The following RABGAP1L variants were observed in gnomAD, a reference collection of about 807,000 sequenced individuals.
RABGAP1L encodes the protein rab GTPase-activating protein 1-like.
RABGAP1L carries 63 observed loss-of-function variants against 137.7 expected under a neutral mutation model. The observed-to-expected ratio is 0.46, with a 90% CI of 0.37 to 0.56. The LOEUF (loss-of-function observed/expected upper bound fraction) is 0.56, where lower values mean the gene tolerates loss of function less well. Ranked by LOEUF, RABGAP1L falls within the 20% of genes least tolerant of loss-of-function variation. The pLI is 0.00. For missense variants in RABGAP1L, 1,095 were observed against 1,244.0 expected, an observed-to-expected ratio of 0.88 and a Z score of 1.80; for synonymous variants, 431 against 433.7, an observed-to-expected ratio of 0.99 and a Z score of 0.08.
At chr1:174,929,185 G>A (rs1663312102) in intron 19 of RABGAP1L, among the ~76,000 whole-genome samples, 1 of 152,024 alleles carries the variant, frequency 6.6e-6, no homozygotes, top group African/African-American at 2.4e-5. Context: ...TGAACACTGT[G>A]CACATGTACC....
intron 13 of RABGAP1L, among the ~76,000 whole-genome samples, chr1:174,501,720 T>C (rs1661293292): frequency 1.3e-5 from 2 of 152,218 alleles, no homozygotes; most frequent in Admixed American, 6.5e-5. Context: ...AGATAGTATC[T>C]TTTTATTAAC....
chr1:174,898,223 C>T (rs1657562459), intron 19 of RABGAP1L, among the ~76,000 whole-genome samples: 1 of 152,054 alleles, frequency 6.6e-6, no homozygotes, highest in African/African-American at 2.4e-5. Context: ...GAGGTAAGTA[C>T]AGTTTTTCAG....
intron 14 of RABGAP1L, among the ~76,000 whole-genome samples, chr1:174,641,961 A>G (rs1238883978): frequency 6.6e-6 from 1 of 152,168 alleles, no homozygotes; most frequent in Non-Finnish European, 1.5e-5. Flanking sequence ...GCCTTCTGTT[A>G]CAGTGTTCGG....
At chr1:174,580,427 T>C (rs1668651223) in intron 13 of RABGAP1L, among the ~76,000 whole-genome samples, 1 of 152,200 alleles carries the variant, frequency 6.6e-6, no homozygotes, top group African/African-American at 2.4e-5. Context: ...GTGGCACATA[T>C]ACACCATGGA....
chr1:174,934,692 A>G (rs895443910), intron 19 of RABGAP1L, among the ~76,000 whole-genome samples: 1 of 151,978 alleles, frequency 6.6e-6, no homozygotes, highest in Non-Finnish European at 1.5e-5. Context: ...TCAGGAGGGT[A>G]AGATGGTAGA....
rs1245585988 is a variant in RABGAP1L, at chr1:174,993,470, C to A, written c.*3469C>A. 4 of 152,004 alleles carry A rather than the reference C, an allele frequency of 2.6e-5. No individual in the cohort carries two copies. Among genetic ancestry groups the A allele is most frequent in the Non-Finnish European group, 4.4e-5 (3 of 67,986 alleles). 9.4% of individuals were successfully genotyped at this position (152,004 alleles called of 1,614,324 possible). On this transcript the variant is annotated 3_prime_UTR_variant, in exon 26 of 26. Transcript: ENST00000681986. ...TGCTCCATTTTCTTAAAATATTTTCCAGTTAATAACTAGTTGCTTTATTTC... is the reference window on the plus strand; with the variant it reads ...TGCTCCATTTTCTTAAAATATTTTCAAGTTAATAACTAGTTGCTTTATTTC...
chr1:174,783,749 G>T (rs1176594055), intron 18 of RABGAP1L, among the ~76,000 whole-genome samples: 1 of 117,608 alleles, frequency 8.5e-6, no homozygotes, highest in South Asian at 2.9e-4. Context: ...TCACTCTGCC[G>T]CCAGGCTGGA....
chr1:174,796,708 T>C (rs1435450500), intron 18 of RABGAP1L, among the ~76,000 whole-genome samples: 1 of 152,130 alleles, frequency 6.6e-6, no homozygotes, highest in Non-Finnish European at 1.5e-5. Flanking sequence ...CTTGGTTTGC[T>C]CATTAAGATA....
intron 7 of RABGAP1L, among the ~76,000 whole-genome samples, chr1:174,269,629 G>T (rs1358002792): frequency 6.6e-6 from 1 of 152,182 alleles, no homozygotes; most frequent in African/African-American, 2.4e-5. Context: ...GATAATAATT[G>T]ATATAATAGC....
chr1:174,560,135 G>GA lies in RABGAP1L; in HGVS notation c.1711-77225dup, dbSNP rs370736567. 8.8e-3 allele frequency among the ~76,000 whole-genome samples: 1,139 copies of GA among 129,036 alleles called. 9 individuals carry two copies. The highest frequency in any genetic ancestry group is 0.04 in the South Asian group (161 of 4,032). The allele number at this position is 129,036 out of a possible 152,430, so 84.7% of individuals were successfully genotyped here. On this transcript the variant is annotated intron_variant, in intron 13 of 25. Coordinates refer to ENST00000681986, the MANE Select transcript of RABGAP1L (RefSeq NM_001366446.1). ...GGCAACAGGGCGAGACTCTGTCTCA[G>GA]AAAAAAAAAAAAAAAGTTTCCTTTT...
chr1:174,641,187 A>G (rs1674507347), intron 14 of RABGAP1L, among the ~76,000 whole-genome samples: 1 of 151,986 alleles, frequency 6.6e-6, no homozygotes, highest in East Asian at 1.9e-4. Context: ...CTCTGTTTTC[A>G]AGGATACAAC....
chr1:174,338,559 G>A (rs1681689774), intron 11 of RABGAP1L, among the ~76,000 whole-genome samples: 1 of 150,598 alleles, frequency 6.6e-6, no homozygotes. Flanking sequence ...TTTTTAAGTG[G>A]TACTATTCTT....
intron 19 of RABGAP1L, among the ~76,000 whole-genome samples, chr1:174,929,015 A>G (rs561816761): frequency 6.6e-6 from 1 of 151,718 alleles, no homozygotes; most frequent in Non-Finnish European, 1.5e-5. Context: ...GAATTGAACA[A>G]TGATAACACT....
intron 15 of RABGAP1L, 110 bp from the exon 16 acceptor site, chr1:174,699,415 C>CAAA: frequency 1.1e-6 from 1 of 937,544 alleles, no homozygotes; most frequent in Non-Finnish European, 1.5e-6. Flanking sequence ...ACTTCATTTG[C>CAAA]TCCAGGCCTT....
chr1:174,254,248 C>T (rs1284346809), intron 7 of RABGAP1L, among the ~76,000 whole-genome samples: 1 of 152,152 alleles, frequency 6.6e-6, no homozygotes, highest in African/African-American at 2.4e-5. Flanking sequence ...TATGTAAAAA[C>T]CATCTTTTAT....
At chr1:174,567,386 T>C (rs938778184) in intron 13 of RABGAP1L, among the ~76,000 whole-genome samples, 2 of 152,228 alleles carry the variant, frequency 1.3e-5, no homozygotes, top group Non-Finnish European at 2.9e-5. Context: ...TATTCTGTTA[T>C]ATGTGTAGGT....
At chr1:174,232,512 G>A (rs796171832) in intron 4 of RABGAP1L, among the ~76,000 whole-genome samples, 1 of 151,060 alleles carries the variant, frequency 6.6e-6, no homozygotes, top group Non-Finnish European at 1.5e-5. Flanking sequence ...GGCCGGGCGC[G>A]GTGGCTCAAG....
At chr1:174,940,571 C>T (rs1162733111) in intron 19 of RABGAP1L, among the ~76,000 whole-genome samples, 1 of 152,126 alleles carries the variant, frequency 6.6e-6, no homozygotes, top group African/African-American at 2.4e-5. Flanking sequence ...AGCCACTGCA[C>T]CTAACCCTTT....
chr1:174,604,224 A>G (rs1196237428), intron 13 of RABGAP1L, among the ~76,000 whole-genome samples: 1 of 152,102 alleles, frequency 6.6e-6, no homozygotes, highest in East Asian at 1.9e-4. Flanking sequence ...GATACCAACC[A>G]CTGGGAAGGA....
Sources: allele counts gnomAD v4.1 joint callset (sites outside exome capture counted in the v4.1 genomes callset), GRCh38; gene constraint gnomAD v4.1.1; transcripts MANE v1.5; gene names NCBI Gene and HGNC (gene_info 2026-07-23, HGNC 2026-07-21).